The following STARD9 variants were observed in gnomAD, a reference collection of about 807,000 sequenced individuals.
STARD9 encodes the protein StAR related lipid transfer domain containing 9, also known as stAR-related lipid transfer protein 9.
STARD9 carries 346 observed loss-of-function variants against 399.8 expected under a neutral mutation model. The observed-to-expected ratio is 0.87, with a 90% CI of 0.79 to 0.95. The LOEUF is 0.95. STARD9 is among the 40% of genes least tolerant of loss of function. The pLI, the probability that STARD9 is intolerant of heterozygous loss-of-function variation, is 0.00. For synonymous variants in STARD9, 2,203 were observed against 2,143.5 expected (o/e 1.03, Z -0.77); for missense variants, 5,832 against 5,667.5 (o/e 1.03, Z -0.93).
At chr15:42,594,202 A>C (rs779111000) in intron 3 of STARD9, among the ~76,000 whole-genome samples, 4 of 152,098 alleles carry the variant, frequency 2.6e-5, no homozygotes, top group Non-Finnish European at 5.9e-5. Flanking sequence ...TCAGAGGGAA[A>C]CCACACATAC....
At chr15:42,637,189 G>GT (rs1427012943) in intron 4 of STARD9, among the ~76,000 whole-genome samples, 2 of 151,822 alleles carry the variant, frequency 1.3e-5, no homozygotes, top group East Asian at 1.9e-4. Context: ...TTCTAAATGT[G>GT]TTTTTTTGCT....
chr15:42,603,374 C>T (rs1490397274), intron 3 of STARD9, among the ~76,000 whole-genome samples: 1 of 152,014 alleles, frequency 6.6e-6, no homozygotes, highest in East Asian at 1.9e-4. Flanking sequence ...CTCAGCCTCC[C>T]AAAGTGCTGG....
In STARD9 at chr15:42,575,620, CG is replaced by C; in HGVS notation, c.-93del. On this transcript the variant is annotated 5_prime_UTR_variant, in exon 1 of 33. Coordinates refer to ENST00000290607, the MANE Select transcript of STARD9 (RefSeq NM_020759.3). Reference sequence around the variant, plus strand: ...GCGGCGTCCCCAGAGGCGCGTGGGGCGGGCGGGGCTGGGTTGGGGCTGTGTC... The same window carrying C: ...GCGGCGTCCCCAGAGGCGCGTGGGGCGGCGGGGCTGGGTTGGGGCTGTGTC... The C allele has an allele frequency of 1.5e-6, 2 of 1,346,086 alleles. No individual in the cohort carries two copies. Among genetic ancestry groups the C allele is most frequent in the Non-Finnish European group, 2.0e-6 (2 of 991,474 alleles). 83.4% of individuals were successfully genotyped at this position (1,346,086 alleles called of 1,614,324 possible).
Position 42,694,128 on chromosome 15 carries a change from G to T in STARD9, c.12550G>T (p.Asp4184Tyr). Residue 4184 changes from aspartate (D) to tyrosine (Y), a missense_variant, in exon 23 of 33, where the codon GAC (aspartate) becomes TAC (tyrosine). This residue lies in a region of STARD9 where 5,828 missense variants were observed against 5,651.1 expected (regional missense o/e 1.03). Coordinates refer to ENST00000290607, the MANE Select transcript of STARD9 (RefSeq NM_020759.3). The part of the protein sequence containing the change: ...QEQSPPQPPN[D>Y]HSQDSEWSKR... Reference sequence around the variant, plus strand: ...ACAGAGTCCCCCACAACCTCCTAATGACCACAGCCAGGATTCTGAGTGGTC... The same window carrying T: ...ACAGAGTCCCCCACAACCTCCTAATTACCACAGCCAGGATTCTGAGTGGTC... 7.2e-6 allele frequency: 11 copies of T among 1,536,834 alleles called. No individual in the cohort carries two copies. The highest frequency in any genetic ancestry group is 9.6e-6 in the Non-Finnish European group (11 of 1,146,748).
chr15:42,647,389 A>G lies in STARD9; in HGVS notation c.560-3627A>G, dbSNP rs914879340. Among the ~76,000 whole-genome samples the G allele has an allele frequency of 6.6e-5, 10 of 152,186 alleles. No individual in the cohort carries two copies. In the East Asian group the frequency reaches 1.9e-3, roughly 29 times the overall value. ...CCTTTTTCTCCTTTTAATTCTGCCA[A>G]TTTTTGTTTTATATATTTTGAGGCT... On this transcript the variant is annotated intron_variant, in intron 7 of 32. Transcript: ENST00000290607.
rs893163177 is a variant in STARD9 at position 42,689,951 on chromosome 15, C to T, written c.8373C>T (p.Thr2791=). The change falls in exon 23 of 33, where the codon ACC becomes ACT. Residue 2791 remains threonine (T), a synonymous_variant. Coordinates refer to ENST00000290607, the MANE Select transcript of STARD9 (RefSeq NM_020759.3). ...ATCAGGAACCCAGAACTCTAGACAC[C>T]ACATATGGAGAAGTTTCAGATAATT... ...PEHQEPRTLD[T]TYGEVSDNLL... The T allele has an allele frequency of 6.5e-7, 1 of 1,537,598 alleles. No individual in the cohort carries two copies. Among genetic ancestry groups the T allele is most frequent in the African/African-American group, 1.4e-5 (1 of 73,140 alleles).
chr15:42,669,199 T>C lies in STARD9; in HGVS notation c.1359T>C (p.Asp453=). 1 of 1,536,278 alleles carries C rather than the reference T, an allele frequency of 6.5e-7. No individual in the cohort carries two copies. The highest frequency in any genetic ancestry group is 8.7e-7 in the Non-Finnish European group (1 of 1,146,110). The change falls in exon 16 of 33, where the codon GAT becomes GAC. Residue 453 remains aspartate, a synonymous_variant. Coordinates refer to ENST00000290607, the MANE Select transcript of STARD9 (RefSeq NM_020759.3). Reference sequence around the variant, plus strand: ...AAGACTGGACCCAGAAGTGGAATGATTGGCAGGCCCTCATGGAGCATTACA... The same window carrying C: ...AAGACTGGACCCAGAAGTGGAATGACTGGCAGGCCCTCATGGAGCATTACA... ...LTKDWTQKWN[D]WQALMEHYSV... is the part of the protein sequence containing the mutation.
intron 3 of STARD9, among the ~76,000 whole-genome samples, chr15:42,607,684 AC>A (rs1252271347): frequency 1.6e-4 from 24 of 151,480 alleles, no homozygotes; most frequent in African/African-American, 5.8e-4. Context: ...ACACACACAC[AC>A]AAATATATAT....
At chr15:42,702,658 A>G (rs2060992025) in intron 26 of STARD9, among the ~76,000 whole-genome samples, 2 of 152,178 alleles carry the variant, frequency 1.3e-5, no homozygotes, top group Admixed American at 1.3e-4. Context: ...CTTGTTACAC[A>G]TTAGCATCCT....
At chr15:42,593,660 T>TTC in intron 3 of STARD9, among the ~76,000 whole-genome samples, 1 of 123,520 alleles carries the variant, frequency 8.1e-6, no homozygotes, top group East Asian at 2.3e-4. Context: ...GCTTCTTTTT[T>TTC]TTTTTTTTTT....
intron 32 of STARD9, 64 bp downstream of exon 32, chr15:42,718,974 T>C: frequency 6.8e-7 from 1 of 1,460,492 alleles, no homozygotes; most frequent in Non-Finnish European, 9.2e-7. Context: ...CCCCCTGGGA[T>C]TTTTCTGTCT....
intron 3 of STARD9, among the ~76,000 whole-genome samples, chr15:42,629,339 T>A (rs2059285127): frequency 6.6e-6 from 1 of 152,144 alleles, no homozygotes; most frequent in South Asian, 2.1e-4. Flanking sequence ...ATTGTAGAGG[T>A]CTTTCATTTT....
intron 3 of STARD9, among the ~76,000 whole-genome samples, chr15:42,587,586 G>A (rs953500151): frequency 2.6e-5 from 4 of 152,012 alleles, no homozygotes; most frequent in Admixed American, 6.6e-5. Flanking sequence ...TTTTTGGGGG[G>A]ATGGAGTTTC....
intron 9 of STARD9, among the ~76,000 whole-genome samples, chr15:42,660,584 C>CAAAAAAAAAAAAACAAAAAAAA (rs2059975528): frequency 8.2e-6 from 1 of 122,638 alleles, no homozygotes. Context: ...AACAGACAAA[C>CAAAAAAAAAAAAACAAAAAAAA]AAAAAAAAAA....
intron 9 of STARD9, among the ~76,000 whole-genome samples, chr15:42,653,846 A>G (rs956391146): frequency 6.6e-6 from 1 of 152,184 alleles, no homozygotes; most frequent in African/African-American, 2.4e-5. Context: ...TTCTTCTCCT[A>G]ATGTCAATAA....
chr15:42,674,302 C>A, intron 16 of STARD9, 138 bp from the exon 17 acceptor site: 1 of 708,848 alleles, frequency 1.4e-6, no homozygotes, highest in Non-Finnish European at 2.4e-6. Context: ...AGAAGTGGTA[C>A]CGACCAGGCT....
intron 26 of STARD9, among the ~76,000 whole-genome samples, chr15:42,701,117 C>T (rs1292063531): frequency 6.6e-6 from 1 of 152,052 alleles, no homozygotes; most frequent in African/African-American, 2.4e-5. Context: ...GTCTGTGTGT[C>T]AGTTTTTATG....
chr15:42,619,102 A>G (rs1009583637), intron 3 of STARD9, among the ~76,000 whole-genome samples: 2 of 152,086 alleles, frequency 1.3e-5, no homozygotes, highest in African/African-American at 2.4e-5. Context: ...TAAAAATTTA[A>G]ATTTACATAT....
Position 42,690,500 on chromosome 15 carries a change from A to G in STARD9, c.8922A>G (p.Leu2974=), listed in dbSNP as rs2060666035. Residue 2974 remains leucine (L), a synonymous_variant, in exon 23 of 33, where the codon TTA becomes TTG. Transcript: ENST00000290607. ...THAYSSHSST[L]LCFRDGDLGK... ...CTTATTCCTCCCATTCCTCTACTTT[A>G]CTGTGTTTTAGAGATGGTGACCTAG... 2 of 1,536,940 alleles carry G rather than the reference A, an allele frequency of 1.3e-6. No individual in the cohort carries two copies. The highest frequency in any genetic ancestry group is 1.7e-6 in the Non-Finnish European group (2 of 1,146,876).
Sources: allele counts gnomAD v4.1 joint callset (sites outside exome capture counted in the v4.1 genomes callset), GRCh38; gene constraint gnomAD v4.1.1; regional missense constraint gnomAD v4.1.1; transcripts MANE v1.5; gene names NCBI Gene and HGNC (gene_info 2026-07-23, HGNC 2026-07-21).